The following SPAST variants were observed in gnomAD, a reference collection of about 807,000 sequenced individuals.
SPAST encodes spastin.
Under a neutral mutation model 76.6 loss-of-function variants are expected in SPAST, and 30 were observed. The observed-to-expected ratio is 0.39, with a 90% CI of 0.29 to 0.53. The LOEUF is 0.53. SPAST is among the 20% of genes least tolerant of loss of function. The pLI, the probability that SPAST is intolerant of heterozygous loss-of-function variation, is 0.68. For synonymous variants in SPAST, 305 were observed against 281.0 expected, an observed-to-expected ratio of 1.09 and a Z score of -0.86; for missense variants, 717 against 770.5, an observed-to-expected ratio of 0.93 and a Z score of 0.82.
At chr2:32,066,779 G>T (rs1375858377) in intron 1 of SPAST, among the ~76,000 whole-genome samples, 2 of 151,960 alleles carry the variant, frequency 1.3e-5, no homozygotes, top group Non-Finnish European at 2.9e-5. Flanking sequence ...TTTGAGACCA[G>T]CCTGGGCAAC....
Position 32,157,036 on chromosome 2 carries a change from C to T in SPAST, c.*2540C>T, listed in dbSNP as rs1467596118. Reference sequence around the variant, plus strand: ...GATAAGGGATTGGTTTGGTCTTTTTCAATAAAGATAGAAGTTGCTGAAGTT... The same window carrying T: ...GATAAGGGATTGGTTTGGTCTTTTTTAATAAAGATAGAAGTTGCTGAAGTT... On this transcript the variant is annotated 3_prime_UTR_variant, in exon 17 of 17. Coordinates refer to ENST00000315285, the MANE Select transcript of SPAST (RefSeq NM_014946.4). 1 of 152,334 alleles carries T rather than the reference C, an allele frequency of 6.6e-6. No individual in the cohort carries two copies. Among genetic ancestry groups the T allele is most frequent in the Non-Finnish European group, 1.5e-5 (1 of 68,008 alleles). 9.4% of individuals were successfully genotyped at this position (152,334 alleles called of 1,614,324 possible). A position where few individuals can be genotyped will look rare whatever the true frequency, so the allele number is the denominator to read the frequency against.
chr2:32,100,810 T>G lies in SPAST; in HGVS notation c.682+1919T>G, dbSNP rs1350857954. The stretch of plus-strand genomic sequence containing the variant: ...TGAACTCATCCTTTTTGATGGCTGC[T>G]TAGTATTCCATGGTGTATATGTGCC... On this transcript the variant is annotated intron_variant, in intron 4 of 16. Transcript: ENST00000315285. Among the ~76,000 whole-genome samples, 5 of 152,174 alleles carry G rather than the reference T, an allele frequency of 3.3e-5. No homozygotes were observed. In the East Asian group the frequency reaches 9.6e-4, roughly 29 times the overall value.
At position 32,116,192 on chromosome 2, in the gene SPAST, C is replaced by T; in HGVS notation, c.1078C>T (p.Leu360Phe). ...AKQALQEIVILPSLRPELFTG... is the reference protein window; with the variant it reads ...AKQALQEIVIFPSLRPELFTG... ...ACAAGCATTGCAAGAAATTGTTATT[C>T]TTCCTTCTCTGAGGCCTGAGGTAAG... The change falls in exon 7 of 17, where the codon CTT (leucine) becomes TTT (phenylalanine). Residue 360 changes from leucine (L) to phenylalanine (F), a missense_variant. Coordinates refer to ENST00000315285, the MANE Select transcript of SPAST (RefSeq NM_014946.4). 6.2e-7 allele frequency: 1 copy of T among 1,612,322 alleles called. No homozygotes were observed. The highest frequency in any genetic ancestry group is 8.5e-7 in the Non-Finnish European group (1 of 1,178,636).
Position 32,063,684 on chromosome 2 carries a change from C to T in SPAST, c.-148C>T. On this transcript the variant is annotated 5_prime_UTR_variant, in exon 1 of 17. Transcript: ENST00000315285. Reference sequence around the variant, plus strand: ...AGGAAGGAGAAAGGGGCGGGGCCGGCGGGCAGCGTGCGGCAGTGCGGAGCT... The same window carrying T: ...AGGAAGGAGAAAGGGGCGGGGCCGGTGGGCAGCGTGCGGCAGTGCGGAGCT... 8.7e-6 allele frequency: 9 copies of T among 1,033,012 alleles called. No individual in the cohort carries two copies. Among genetic ancestry groups the T allele is most frequent in the Non-Finnish European group, 1.2e-5 (9 of 733,062 alleles). 64.0% of individuals were successfully genotyped at this position (1,033,012 alleles called of 1,614,324 possible).
At position 32,153,190 on chromosome 2, in the gene SPAST, C is replaced by T. The variant is rs1176998244; in HGVS notation, c.1729-1184C>T. Among the ~76,000 whole-genome samples the T allele has an allele frequency of 2.6e-5, 4 of 152,134 alleles. No homozygotes were observed. The East Asian group carries it at 5.8e-4, about 22-fold the overall frequency. On this transcript the variant is annotated intron_variant, in intron 16 of 16. Coordinates refer to ENST00000315285, the MANE Select transcript of SPAST (RefSeq NM_014946.4). ...GTTTTTAAGAGTAGTTTTTAAAATA[C>T]GGATAAATACCAGTTGTTGGAGTTT...
At position 32,063,721 on chromosome 2, in the gene SPAST, C is replaced by A. The variant is rs908226208; in HGVS notation, c.-111C>A. 8 of 1,420,398 alleles carry A rather than the reference C, an allele frequency of 5.6e-6. No homozygotes were observed. Among genetic ancestry groups the A allele is most frequent in the Non-Finnish European group, 7.5e-6 (8 of 1,062,410 alleles). 88.0% of individuals were successfully genotyped at this position (1,420,398 alleles called of 1,614,324 possible). ...GGCAGTGCGGAGCTCCTGAGACCGG[C>A]GGGCACACGGGGGTCTGTGGCCCCC... is the stretch of plus-strand genomic sequence containing the variant. On this transcript the variant is annotated 5_prime_UTR_variant, in exon 1 of 17. Coordinates refer to ENST00000315285, the MANE Select transcript of SPAST (RefSeq NM_014946.4).
At chr2:32,142,470 A>G (rs1387313541) in intron 13 of SPAST, among the ~76,000 whole-genome samples, 1 of 152,130 alleles carries the variant, frequency 6.6e-6, no homozygotes, top group African/African-American at 2.4e-5. Context: ...GCTGGAGTGC[A>G]GTGGCGTGAT....
At chr2:32,092,128 G>T (rs529511125) in intron 3 of SPAST, among the ~76,000 whole-genome samples, 3 of 151,984 alleles carry the variant, frequency 2.0e-5, no homozygotes, top group African/African-American at 4.8e-5. Context: ...CTCCTATATG[G>T]TCATTGTGTT....
intron 1 of SPAST, among the ~76,000 whole-genome samples, chr2:32,069,943 T>C (rs999401301): frequency 6.6e-6 from 1 of 152,088 alleles, no homozygotes; most frequent in Non-Finnish European, 1.5e-5. Context: ...TTGAAATATT[T>C]GGTACCTTGA....
chr2:32,123,174 A>G (rs2148741067), intron 7 of SPAST, among the ~76,000 whole-genome samples: 1 of 152,082 alleles, frequency 6.6e-6, no homozygotes, highest in East Asian at 1.9e-4. Flanking sequence ...AGGCAGGAGA[A>G]TCGCTTGAAC....
At chr2:32,085,678 C>T (rs1050697091) in intron 1 of SPAST, among the ~76,000 whole-genome samples, 10 of 152,006 alleles carry the variant, frequency 6.6e-5, no homozygotes, top group Non-Finnish European at 7.3e-5. Context: ...ACAGAAGAAT[C>T]GGGGAGGTAG....
intron 1 of SPAST, among the ~76,000 whole-genome samples, chr2:32,083,161 G>A (rs1225836771): frequency 1.3e-5 from 2 of 151,926 alleles, no homozygotes; most frequent in African/African-American, 4.8e-5. Flanking sequence ...TAGTAGAGAT[G>A]GGATTTCACC....
intron 16 of SPAST, among the ~76,000 whole-genome samples, chr2:32,150,382 C>T (rs779503448): frequency 6.6e-5 from 10 of 150,940 alleles, no homozygotes; most frequent in African/African-American, 9.7e-5. Context: ...TGAGCCACCA[C>T]GCCCGGCTGA....
chr2:32,086,556 AT>A (rs1161629435), intron 1 of SPAST, among the ~76,000 whole-genome samples: 2 of 151,904 alleles, frequency 1.3e-5, no homozygotes, highest in African/African-American at 4.8e-5. Context: ...TGAGTTCAAG[AT>A]CAGCCTGGCC....
chr2:32,109,356 G>A lies in SPAST; in HGVS notation c.683-5282G>A, dbSNP rs922666704. 6.6e-5 allele frequency among the ~76,000 whole-genome samples: 10 copies of A among 151,990 alleles called. No individual in the cohort carries two copies. The South Asian group carries it at 8.3e-4, about 13-fold the overall frequency. On this transcript the variant is annotated intron_variant, in intron 4 of 16. Coordinates refer to ENST00000315285, the MANE Select transcript of SPAST (RefSeq NM_014946.4). ...ACTCCTGACTTCAGGTGATCCACCC[G>A]CCTCGGCCTCTCAAAGTGCTGGGAT...
rs926321695 is a variant in SPAST, at chr2:32,063,746, C to T, written c.-86C>T. On this transcript the variant is annotated 5_prime_UTR_variant, in exon 1 of 17. Transcript: ENST00000315285. ...CGGGCACACGGGGGTCTGTGGCCCC[C>T]GCCGTAGCAGTGGCTGCCGCCGTCG... is the stretch of plus-strand genomic sequence containing the variant. 2.0e-4 allele frequency: 302 copies of T among 1,507,544 alleles called. No homozygotes were observed. Among genetic ancestry groups the T allele is most frequent in the Non-Finnish European group, 2.6e-4 (292 of 1,130,946 alleles). 93.4% of individuals were successfully genotyped at this position (1,507,544 alleles called of 1,614,324 possible).
intron 1 of SPAST, among the ~76,000 whole-genome samples, chr2:32,078,181 G>C (rs952243119): frequency 6.6e-6 from 1 of 151,822 alleles, no homozygotes; most frequent in Non-Finnish European, 1.5e-5. Flanking sequence ...TAGTAGAGAC[G>C]GGGTTTCACC....
chr2:32,103,892 T>C (rs183332578), intron 4 of SPAST, among the ~76,000 whole-genome samples: 3 of 152,308 alleles, frequency 2.0e-5, no homozygotes, highest in Admixed American at 6.5e-5. Context: ...TCCAACTATG[T>C]GGTCAATTTT....
chr2:32,108,933 T>C (rs187445281), intron 4 of SPAST, among the ~76,000 whole-genome samples: 79 of 151,422 alleles, frequency 5.2e-4, no homozygotes, highest in Non-Finnish European at 1.0e-3. Flanking sequence ...ACCCAGCTGA[T>C]TTTTGTATTC....
Sources: allele counts gnomAD v4.1 joint callset (sites outside exome capture counted in the v4.1 genomes callset), GRCh38; gene constraint gnomAD v4.1.1; transcripts MANE v1.5; gene names NCBI Gene and HGNC (gene_info 2026-07-23, HGNC 2026-07-21).